The following SYNE2 variants were observed in gnomAD, a reference collection of about 807,000 sequenced individuals.
SYNE2 encodes nesprin-2.
Under a neutral mutation model 856.3 loss-of-function variants are expected in SYNE2, and 431 were observed. The observed-to-expected ratio is 0.50, with a 90% confidence interval of 0.47 to 0.55. The LOEUF (loss-of-function observed/expected upper bound fraction) is 0.55, where lower values mean the gene tolerates loss of function less well. Ranked by LOEUF, SYNE2 falls within the 20% of genes least tolerant of loss-of-function variation. The pLI, the probability that SYNE2 is intolerant of heterozygous loss-of-function variation, is 0.00. For synonymous variants in SYNE2, 2,923 were observed against 2,872.3 expected, an observed-to-expected ratio of 1.02 and a Z score of -0.56; for missense variants, 8,129 against 8,023.2, an observed-to-expected ratio of 1.01 and a Z score of -0.50.
chr14:63,996,565 T>C (rs748939817), intron 23 of SYNE2, among the ~76,000 whole-genome samples: 11 of 152,062 alleles, frequency 7.2e-5, no homozygotes, highest in Non-Finnish European at 1.3e-4. Flanking sequence ...CTTCGTGCTT[T>C]TCGTCCTCTT....
chr14:64,005,996 C>T (rs1418052053), intron 30 of SYNE2, among the ~76,000 whole-genome samples: 2 of 152,156 alleles, frequency 1.3e-5, no homozygotes, highest in African/African-American at 2.4e-5. Context: ...AAGAAGGCAT[C>T]TCAACAAAGA....
chr14:64,102,501 A>ATTTT (rs1211142346), intron 64 of SYNE2, among the ~76,000 whole-genome samples: 2 of 118,264 alleles, frequency 1.7e-5, no homozygotes, highest in Non-Finnish European at 3.4e-5. Flanking sequence ...CATGGGCTGA[A>ATTTT]TTTTTTTTTT....
intron 89 of SYNE2, among the ~76,000 whole-genome samples, 180 bp from the exon 90 acceptor site, chr14:64,165,105 T>A (rs2098365757): frequency 6.6e-6 from 1 of 152,050 alleles, no homozygotes; most frequent in Admixed American, 6.6e-5. Context: ...CAGGCTGGTC[T>A]TGAACTCCTG....
chr14:63,881,389 C>G (rs1257402696), intron 1 of SYNE2, among the ~76,000 whole-genome samples: 1 of 151,896 alleles, frequency 6.6e-6, no homozygotes, highest in Non-Finnish European at 1.5e-5. Context: ...GGGCCAGGCA[C>G]AGTGGCTTAC....
chr14:64,126,797 G>T lies in SYNE2; in HGVS notation c.13907G>T (p.Arg4636Leu). The T allele has an allele frequency of 6.2e-7, 1 of 1,611,244 alleles. No homozygotes were observed. The highest frequency in any genetic ancestry group is 1.3e-5 in the African/African-American group (1 of 75,016). The change falls in exon 73 of 116, where the codon CGC becomes CTC. Residue 4636 changes from arginine (R) to leucine (L), a missense_variant. By Grantham distance (102) the Arg-to-Leu change is moderately radical (BLOSUM62 -2). Coordinates refer to ENST00000555002, the MANE Select transcript of SYNE2 (RefSeq NM_182914.3). ...KSLKAGLDYN[R>L]SYQNEIKRLY... is the part of the protein sequence containing the mutation. ...CTGAAAGCTGGCCTCGATTACAACCGCAGTTACCAGGTATGATTCCGAGCA... is the reference window on the plus strand; with the variant it reads ...CTGAAAGCTGGCCTCGATTACAACCTCAGTTACCAGGTATGATTCCGAGCA...
intron 38 of SYNE2, 38 bp downstream of exon 38, chr14:64,022,901 A>T: frequency 9.6e-7 from 1 of 1,038,014 alleles, no homozygotes; most frequent in Non-Finnish European, 1.5e-6. Flanking sequence ...AAAATTTTCA[A>T]TACTAAAATA....
At chr14:64,147,839 A>T (rs1172423986) in intron 84 of SYNE2, among the ~76,000 whole-genome samples, 1 of 152,164 alleles carries the variant, frequency 6.6e-6, no homozygotes, top group Non-Finnish European at 1.5e-5. Context: ...TACAAAAACC[A>T]CATAAGGACT....
intron 1 of SYNE2, among the ~76,000 whole-genome samples, chr14:63,819,465 C>T (rs867166226): frequency 7.9e-5 from 12 of 151,670 alleles, no homozygotes; most frequent in South Asian, 2.1e-4. Flanking sequence ...CTCCTGACCT[C>T]AGGTGATCTA....
intron 34 of SYNE2, among the ~76,000 whole-genome samples, chr14:64,019,099 T>C (rs1192892180): frequency 6.6e-6 from 1 of 152,084 alleles, no homozygotes; most frequent in Admixed American, 6.6e-5. Flanking sequence ...GGTGAAGCCC[T>C]GTCTATACTA....
intron 92 of SYNE2, 65 bp downstream of exon 92, chr14:64,167,704 T>C: frequency 6.2e-7 from 1 of 1,609,320 alleles, no homozygotes; most frequent in South Asian, 1.1e-5. Flanking sequence ...GAAAGATAGC[T>C]TTAAATAAAA....
chr14:64,134,126 A>G lies in SYNE2; in HGVS notation c.14572A>G (p.Ile4858Val), dbSNP rs1477672549. The G allele has an allele frequency of 2.5e-6, 4 of 1,613,882 alleles. No homozygotes were observed. Among genetic ancestry groups the G allele is most frequent in the Non-Finnish European group, 3.4e-6 (4 of 1,179,842 alleles). ...TCTTGAAAAGGACCTGGAAATTCTT[A>G]TATCTACATTGCCCTCTGTGAGTTT... ...ASLEKDLEIL[I>V]STLPSVSLVE... The change falls in exon 78 of 116, where the codon ATA becomes GTA. Residue 4858 changes from isoleucine (I) to valine (V), a missense_variant. Coordinates refer to ENST00000555002, the MANE Select transcript of SYNE2 (RefSeq NM_182914.3).
chr14:64,211,842 G>T, intron 103 of SYNE2, 119 bp from the exon 104 acceptor site: 1 of 1,445,180 alleles, frequency 6.9e-7, no homozygotes, highest in Non-Finnish European at 9.7e-7. Flanking sequence ...TACCCTAGAG[G>T]CAGATTTCTC....
intron 45 of SYNE2, among the ~76,000 whole-genome samples, chr14:64,040,852 T>C (rs1471828914): frequency 1.3e-5 from 2 of 151,712 alleles, no homozygotes; most frequent in African/African-American, 4.8e-5. Flanking sequence ...ATATGAATCT[T>C]GTTTCAAGAA....
intron 1 of SYNE2, among the ~76,000 whole-genome samples, chr14:63,847,394 C>T (rs1890263501): frequency 6.6e-6 from 1 of 151,884 alleles, no homozygotes; most frequent in Admixed American, 6.6e-5. Flanking sequence ...GAGGTCGAGG[C>T]TGCAATAAGC....
At chr14:64,167,033 A>C (rs2098383765) in intron 90 of SYNE2, 200 bp from the exon 91 acceptor site, 1 of 618,980 alleles carries the variant, frequency 1.6e-6, no homozygotes, top group African/African-American at 1.8e-5. Flanking sequence ...GCCGTGTTGC[A>C]GGTTGGTATT....
intron 96 of SYNE2, among the ~76,000 whole-genome samples, chr14:64,184,524 C>T (rs1021593073): frequency 3.3e-5 from 5 of 152,142 alleles, no homozygotes; most frequent in African/African-American, 9.7e-5. Context: ...ACTCGGTGGC[C>T]GAGCCAGCAC....
chr14:64,144,941 T>G (rs1228885959), intron 83 of SYNE2, among the ~76,000 whole-genome samples: 16 of 150,638 alleles, frequency 1.1e-4, no homozygotes, highest in Non-Finnish European at 2.1e-4. Context: ...TTTTTTTTTT[T>G]TTTGAGACAG....
At chr14:64,020,238 G>A (rs527535192) in intron 35 of SYNE2, 145 bp downstream of exon 35, 11 of 649,326 alleles carry the variant, frequency 1.7e-5, no homozygotes, top group African/African-American at 1.3e-4. Context: ...CTATAACAGG[G>A]GTGTCCTGTC....
intron 99 of SYNE2, 116 bp from the exon 100 acceptor site, chr14:64,202,685 C>G (rs2098579588): frequency 2.9e-6 from 4 of 1,358,618 alleles, no homozygotes; most frequent in Non-Finnish European, 4.1e-6. Flanking sequence ...AAAATAGATT[C>G]TTTTTTACCC....
Sources: allele counts gnomAD v4.1 joint callset (sites outside exome capture counted in the v4.1 genomes callset), GRCh38; gene constraint gnomAD v4.1.1; transcripts MANE v1.5; gene names NCBI Gene and HGNC (gene_info 2026-07-23, HGNC 2026-07-21).